Variants in SLC1A4 observed in about 807,000 individuals in gnomAD.
SLC1A4 encodes solute carrier family 1 member 4, also known as neutral amino acid transporter A.
SLC1A4 carries 19 observed loss-of-function variants against 37.7 expected under a neutral mutation model. That is an observed-to-expected ratio of 0.50 (90% CI 0.35 to 0.74). The LOEUF is 0.74. SLC1A4 is among the 30% of genes least tolerant of loss of function. The pLI is 0.01. For missense variants in SLC1A4, 570 were observed against 712.9 expected, an observed-to-expected ratio of 0.80 and a Z score of 2.28; for synonymous variants, 299 against 309.8, an observed-to-expected ratio of 0.97 and a Z score of 0.37.
chr2:65,008,906 G>A (rs1278454470), intron 3 of SLC1A4, among the ~76,000 whole-genome samples: 1 of 152,196 alleles, frequency 6.6e-6, no homozygotes, highest in Non-Finnish European at 1.5e-5. Context: ...TCACAAAGAC[G>A]TTAAGTAACT....
rs186976167 is a variant in SLC1A4 at position 65,022,167 on chromosome 2, T to G, written c.*1021T>G. ...ACCACCACCACCCCAGAGAAAACCA[T>G]GTACTAATTGGAGTGGGGTACCCCC... On this transcript the variant is annotated 3_prime_UTR_variant, in exon 8 of 8. Transcript: ENST00000234256. The G allele has an allele frequency of 1.3e-5, 2 of 152,286 alleles. No homozygotes were observed. The highest frequency in any genetic ancestry group is 2.9e-5 in the Non-Finnish European group (2 of 68,056). The allele number at this position is 152,286 out of a possible 1,614,324, so 9.4% of individuals were successfully genotyped here.
intron 5 of SLC1A4, among the ~76,000 whole-genome samples, chr2:65,017,644 C>T (rs932712693): frequency 2.6e-5 from 4 of 152,108 alleles, no homozygotes; most frequent in African/African-American, 4.8e-5. Flanking sequence ...GTTATTCTTC[C>T]AAGCTCACAG....
At position 64,997,735 on chromosome 2, in the gene SLC1A4, G is replaced by T. The variant is rs1224448724; in HGVS notation, c.528-3713G>T. Among the ~76,000 whole-genome samples, 8 of 152,168 alleles carry T rather than the reference G, an allele frequency of 5.3e-5. No individual in the cohort carries two copies. In the East Asian group the frequency reaches 1.5e-3, roughly 29 times the overall value. On this transcript the variant is annotated intron_variant, in intron 1 of 7. Coordinates refer to ENST00000234256, the MANE Select transcript of SLC1A4 (RefSeq NM_003038.5). ...TCTGTTGATGGACATTTGGGTTTTGGACTATTATGAATAACGCTGTTATGC... is the reference window on the plus strand; with the variant it reads ...TCTGTTGATGGACATTTGGGTTTTGTACTATTATGAATAACGCTGTTATGC...
Position 65,023,639 on chromosome 2 carries a change from GCTGT to G in SLC1A4, c.*2496_*2499del, listed in dbSNP as rs1010496099. ...CCTTGGAGGCGAGAAGAGAGAATGT[GCTGT>G]CTATCTTCCTGGTTTTCAGTCCACA... is the stretch of plus-strand genomic sequence containing the variant. On this transcript the variant is annotated 3_prime_UTR_variant, in exon 8 of 8. Coordinates refer to ENST00000234256, the MANE Select transcript of SLC1A4 (RefSeq NM_003038.5). 2.1e-4 allele frequency: 32 copies of G among 152,640 alleles called. No individual in the cohort carries two copies. Among genetic ancestry groups the G allele is most frequent in the African/African-American group, 7.2e-4 (30 of 41,450 alleles). 9.5% of individuals were successfully genotyped at this position (152,640 alleles called of 1,614,324 possible). A position where few individuals can be genotyped will look rare whatever the true frequency, so the allele number is the denominator to read the frequency against.
chr2:65,023,196 T>C lies in SLC1A4; in HGVS notation c.*2050T>C, dbSNP rs201989335. ...ACTCTTCTGTTTTCAAGGGAAACAATCACATTGTTTGATTCCAAATGGTAA... is the reference window on the plus strand; with the variant it reads ...ACTCTTCTGTTTTCAAGGGAAACAACCACATTGTTTGATTCCAAATGGTAA... On this transcript the variant is annotated 3_prime_UTR_variant, in exon 8 of 8. Transcript: ENST00000234256. 2 of 152,256 alleles carry C rather than the reference T, an allele frequency of 1.3e-5. No homozygotes were observed. Among genetic ancestry groups the C allele is most frequent in the East Asian group, 3.8e-4 (2 of 5,206 alleles). 9.4% of individuals were successfully genotyped at this position (152,256 alleles called of 1,614,324 possible).
intron 1 of SLC1A4, among the ~76,000 whole-genome samples, 194 bp downstream of exon 1, chr2:64,990,364 G>A (rs1283535229): frequency 1.3e-5 from 2 of 152,126 alleles, no homozygotes; most frequent in Non-Finnish European, 2.9e-5. Flanking sequence ...CAAACAGCTG[G>A]GGCGCACCGC....
rs773424256 is a variant in SLC1A4 at position 65,022,062 on chromosome 2, C to T, written c.*916C>T. ...GGAGGTGTGATGTAGTTATCACATTCAGGACCCTTGTTGATTTATCATCTA... is the reference window on the plus strand; with the variant it reads ...GGAGGTGTGATGTAGTTATCACATTTAGGACCCTTGTTGATTTATCATCTA... On this transcript the variant is annotated 3_prime_UTR_variant, in exon 8 of 8. Transcript: ENST00000234256. 1 of 152,286 alleles carries T rather than the reference C, an allele frequency of 6.6e-6. No individual in the cohort carries two copies. The highest frequency in any genetic ancestry group is 1.5e-5 in the Non-Finnish European group (1 of 68,054). The allele number at this position is 152,286 out of a possible 1,614,324, so 9.4% of individuals were successfully genotyped here. A position where few individuals can be genotyped will look rare whatever the true frequency, so the allele number is the denominator to read the frequency against.
chr2:64,993,407 TGA>T (rs1558512656), intron 1 of SLC1A4, among the ~76,000 whole-genome samples: 1 of 152,242 alleles, frequency 6.6e-6, no homozygotes, highest in African/African-American at 2.4e-5. Flanking sequence ...CTGAGTGGTT[TGA>T]TTTCCCAGCA....
At chr2:65,005,473 C>T (rs1342791140) in intron 3 of SLC1A4, among the ~76,000 whole-genome samples, 2 of 152,176 alleles carry the variant, frequency 1.3e-5, no homozygotes, top group African/African-American at 2.4e-5. Flanking sequence ...TCTGACAGGC[C>T]CTGGATTCCA....
At chr2:65,007,352 G>A (rs942300389) in intron 3 of SLC1A4, among the ~76,000 whole-genome samples, 5 of 152,008 alleles carry the variant, frequency 3.3e-5, no homozygotes, top group South Asian at 4.1e-4. Flanking sequence ...GGTGAGGGAG[G>A]AGCTATGGGG....
At chr2:64,992,256 G>C (rs1673087083) in intron 1 of SLC1A4, among the ~76,000 whole-genome samples, 1 of 152,244 alleles carries the variant, frequency 6.6e-6, no homozygotes, top group South Asian at 2.1e-4. Flanking sequence ...AACTCCAGAA[G>C]AGGGGGCAGT....
rs1429541974 is a variant in SLC1A4, at chr2:64,990,051, G to A, written c.408G>A (p.Ala136=). 1.9e-6 allele frequency: 3 copies of A among 1,607,090 alleles called. No homozygotes were observed. In the South Asian group the frequency reaches 3.3e-5, roughly 18 times the overall value. Residue 136 remains alanine (A), a synonymous_variant, in exon 1 of 8, where the codon GCG becomes GCA. Transcript: ENST00000234256. ...LSASALAVAL[A]FIIKPGSGAQ... ...CCTCGGCGCTCGCCGTGGCCTTGGC[G>A]TTCATCATCAAGCCAGGATCCGGTG...
chr2:65,014,109 T>C lies in SLC1A4; in HGVS notation c.801-2331T>C, dbSNP rs1674029283. Among the ~76,000 whole-genome samples, 4 of 151,932 alleles carry C rather than the reference T, an allele frequency of 2.6e-5. No individual in the cohort carries two copies. In the South Asian group the frequency reaches 8.3e-4, roughly 32 times the overall value. ...GCAGGGAAAGCCTTCCTAAACAAGA[T>C]ATAAAAAGCAAAAGCCATAAAAAGC... On this transcript the variant is annotated intron_variant, in intron 4 of 7. Coordinates refer to ENST00000234256, the MANE Select transcript of SLC1A4 (RefSeq NM_003038.5).
intron 4 of SLC1A4, among the ~76,000 whole-genome samples, chr2:65,015,733 T>C (rs1237830516): frequency 6.6e-6 from 1 of 152,176 alleles, no homozygotes; most frequent in African/African-American, 2.4e-5. Context: ...CCCTTGAAAT[T>C]TGAACTATGT....
intron 4 of SLC1A4, among the ~76,000 whole-genome samples, chr2:65,015,800 T>C (rs942426953): frequency 2.0e-5 from 3 of 152,252 alleles, no homozygotes; most frequent in Non-Finnish European, 4.4e-5. Context: ...TAGAAAATTC[T>C]TCCTGAATTT....
intron 1 of SLC1A4, among the ~76,000 whole-genome samples, chr2:64,991,955 C>T (rs1673078665): frequency 6.6e-6 from 1 of 152,156 alleles, no homozygotes; most frequent in African/African-American, 2.4e-5. Context: ...GCTGCCCAGG[C>T]TGGTCTAGAT....
In SLC1A4 at chr2:65,018,335, C is replaced by G; in HGVS notation, c.1229+70C>G. 1 of 1,505,116 alleles carries G rather than the reference C, an allele frequency of 6.6e-7. No individual in the cohort carries two copies. Among genetic ancestry groups the G allele is most frequent in the East Asian group, 2.3e-5 (1 of 43,986 alleles). 93.2% of individuals were successfully genotyped at this position (1,505,116 alleles called of 1,614,324 possible). ...TTGTGATTTCCTTTGAAAAACCAAT[C>G]TCACCACAACTTGGTGTCTCGCTCA... On this transcript the variant is annotated intron_variant, in intron 6 of 7. Coordinates refer to ENST00000234256, the MANE Select transcript of SLC1A4 (RefSeq NM_003038.5). The surrounding 1 kb of genome is among the most constrained non-coding windows in gnomAD (Gnocchi z 4.3).
intron 3 of SLC1A4, among the ~76,000 whole-genome samples, chr2:65,010,174 CA>C (rs1163891844): frequency 2.6e-5 from 4 of 152,152 alleles, no homozygotes; most frequent in Non-Finnish European, 5.9e-5. Context: ...TCAGGTGATC[CA>C]CTCGCCTTGG....
intron 2 of SLC1A4, 70 bp from the exon 3 acceptor site, chr2:65,003,883 G>T: frequency 1.8e-6 from 2 of 1,126,258 alleles, no homozygotes; most frequent in Non-Finnish European, 2.7e-6. Flanking sequence ...GTGCAGCAGT[G>T]CCCTTGGTTC....
Sources: gnomAD v4.1 joint callset for allele counts (sites outside exome capture counted in the v4.1 genomes callset) on GRCh38, gnomAD v4.1.1 for gene constraint, Gnocchi (gnomAD v3.1) non-coding constraint, MANE v1.5 for transcripts, NCBI Gene and HGNC (gene_info 2026-07-23, HGNC 2026-07-21) for gene names.